Variants in VPS13C observed in about 807,000 individuals in gnomAD.
VPS13C encodes vacuolar protein sorting 13 homolog C.
VPS13C carries 358 observed loss-of-function variants against 456.8 expected under a neutral mutation model. The observed-to-expected ratio is 0.78, with a 90% CI of 0.72 to 0.86. The LOEUF is 0.86. Ranked by LOEUF, VPS13C falls within the 40% of genes least tolerant of loss-of-function variation. The pLI, the probability that VPS13C is intolerant of heterozygous loss-of-function variation, is 0.00. For missense variants in VPS13C, 4,818 were observed against 4,385.4 expected, an observed-to-expected ratio of 1.10 and a Z score of -2.79; for synonymous variants, 1,578 against 1,486.7, an observed-to-expected ratio of 1.06 and a Z score of -1.41.
At chr15:61,962,999 G>C in intron 32 of VPS13C, 147 bp from the exon 33 acceptor site, 1 of 509,332 alleles carries the variant, frequency 2.0e-6, no homozygotes, top group East Asian at 3.3e-5. Context: ...CAATATTAGA[G>C]TTTTTTGGTT....
chr15:62,000,447 T>C (rs1302024001), intron 16 of VPS13C, 117 bp downstream of exon 16: 4 of 925,534 alleles, frequency 4.3e-6, no homozygotes, highest in South Asian at 1.8e-5. Context: ...TCTTTTCTCC[T>C]GAGACTAAAT....
chr15:61,931,371 A>T (rs1313763898), intron 49 of VPS13C, 112 bp from the exon 50 acceptor site: 1 of 1,129,328 alleles, frequency 8.9e-7, no homozygotes, highest in South Asian at 1.8e-5. Context: ...CATGAATTTT[A>T]AAAGTATGAG....
chr15:62,013,386 A>G (rs2047115490), intron 10 of VPS13C, among the ~76,000 whole-genome samples: 1 of 151,978 alleles, frequency 6.6e-6, no homozygotes, highest in Non-Finnish European at 1.5e-5. Context: ...TTCAGAAATT[A>G]GTATTTAACA....
chr15:61,934,390 A>C, intron 48 of VPS13C, 59 bp from the exon 49 acceptor site: 1 of 885,636 alleles, frequency 1.1e-6, no homozygotes, highest in Non-Finnish European at 1.6e-6. Context: ...ATATTTTTAA[A>C]TATGAGATAA....
chr15:61,894,201 G>C (rs989369240), intron 66 of VPS13C, among the ~76,000 whole-genome samples: 12 of 151,980 alleles, frequency 7.9e-5, no homozygotes, highest in African/African-American at 2.9e-4. Flanking sequence ...CCAGCTACTA[G>C]GGAGGCTGAG....
In VPS13C at chr15:62,013,070, ATGC is replaced by A; in HGVS notation, c.791_793del (p.Ser264del). On this transcript the variant is annotated inframe_deletion, in exon 11 of 85. Coordinates refer to ENST00000644861, the MANE Select transcript of VPS13C (RefSeq NM_020821.3). The stretch of plus-strand genomic sequence containing the variant: ...CTGTTCCCTTGATCTCTGGTAAGAC[ATGC>A]TGCAATTTACATTCCAGTAGGCGCT... The A allele has an allele frequency of 6.2e-7, 1 of 1,611,318 alleles. No individual in the cohort carries two copies. Among genetic ancestry groups the A allele is most frequent in the South Asian group, 1.1e-5 (1 of 90,764 alleles).
In VPS13C at chr15:61,921,976, C is replaced by A; in HGVS notation, c.7033G>T (p.Gly2345Trp). 2 of 1,613,496 alleles carry A rather than the reference C, an allele frequency of 1.2e-6. No individual in the cohort carries two copies. Among genetic ancestry groups the A allele is most frequent in the Non-Finnish European group, 1.7e-6 (2 of 1,179,606 alleles). ...VWEPLIERVE[G>W]KRQWNLRLDV... ...AGCCTTAAATTCCATTGTCTCTTCC[C>A]CTCCACTCTCTCAATCAGTGGCTCC... Residue 2345 changes from glycine (G) to tryptophan (W), a missense_variant, in exon 55 of 85, where the codon GGG becomes TGG. This residue lies in a region of VPS13C where 4,552 missense variants were observed against 4,130.6 expected (regional missense o/e 1.10). Coordinates refer to ENST00000644861, the MANE Select transcript of VPS13C (RefSeq NM_020821.3).
At chr15:62,000,166 A>C (rs1304723976) in intron 16 of VPS13C, among the ~76,000 whole-genome samples, 2 of 152,164 alleles carry the variant, frequency 1.3e-5, no homozygotes, top group African/African-American at 2.4e-5. Context: ...ATTCAAGACC[A>C]GGCTGGCCAA....
chr15:62,050,010 G>A (rs1463428154), intron 1 of VPS13C, among the ~76,000 whole-genome samples: 6 of 152,224 alleles, frequency 3.9e-5, no homozygotes, highest in African/African-American at 1.2e-4. Flanking sequence ...GGGCTGAGAC[G>A]ATGGGGTTTT....
chr15:61,931,176 A>C lies in VPS13C; in HGVS notation c.5952T>G (p.Phe1984Leu). The C allele has an allele frequency of 6.2e-7, 1 of 1,614,198 alleles. No individual in the cohort carries two copies. The highest frequency in any genetic ancestry group is 8.5e-7 in the Non-Finnish European group (1 of 1,180,028). Residue 1984 changes from phenylalanine to leucine, a missense_variant, in exon 50 of 85, where the codon TTT (phenylalanine) becomes TTG (leucine). Around this residue, in one of 3 missense-constraint regions of VPS13C, gnomAD observed 4,552 missense variants for 4,130.6 expected, o/e 1.10. Coordinates refer to ENST00000644861, the MANE Select transcript of VPS13C (RefSeq NM_020821.3). ...LHLMASSGKM[F>L]KDGSMNVSVK... Reference sequence around the variant, plus strand: ...CGCTGACATTCATTGAGCCATCCTTAAACATCTTCCCTGAGGAGGCCATAA... The same window carrying C: ...CGCTGACATTCATTGAGCCATCCTTCAACATCTTCCCTGAGGAGGCCATAA...
rs774318392 is a variant in VPS13C, at chr15:61,907,361, G to A, written c.9008C>T (p.Pro3003Leu). Residue 3003 changes from proline to leucine, a missense_variant, in exon 66 of 85, where the codon CCA becomes CTA. Physicochemically the swap from Pro to Leu is moderately conservative, Grantham distance 98. Coordinates refer to ENST00000644861, the MANE Select transcript of VPS13C (RefSeq NM_020821.3). ...SGSPEEMVLL[P>L]RQARLFAWAD... is the part of the protein sequence containing the mutation. The stretch of plus-strand genomic sequence containing the variant: ...CCAGGCAAAAAGTCGAGCCTGTCTT[G>A]GCAGCAAGACCATTTCTTCTGGTGA... The A allele has an allele frequency of 1.2e-6, 2 of 1,613,952 alleles. No individual in the cohort carries two copies. Among genetic ancestry groups the A allele is most frequent in the African/African-American group, 1.3e-5 (1 of 75,040 alleles).
chr15:61,910,339 C>T (rs370467909), intron 63 of VPS13C, 34 bp from the exon 64 acceptor site: 5 of 1,403,466 alleles, frequency 3.6e-6, no homozygotes, highest in Non-Finnish European at 3.8e-6. Context: ...AGTCTTAAGA[C>T]AATACCGTTA....
rs1468483534 is a variant in VPS13C, at chr15:62,019,674, TCTTTA to T, written c.684+800_684+804del. Among the ~76,000 whole-genome samples, 20 of 152,232 alleles carry T rather than the reference TCTTTA, an allele frequency of 1.3e-4. No homozygotes were observed. In the South Asian group the frequency reaches 2.1e-3, roughly 16 times the overall value. ...AGAGACTGTTTGTTATAATTTCTGT[TCTTTA>T]CATTTGCTGAGGAGTGCTTTACTTC... On this transcript the variant is annotated intron_variant, in intron 9 of 84. Transcript: ENST00000644861.
In VPS13C at chr15:61,929,540, G is replaced by A. The variant is rs375711746; in HGVS notation, c.6247C>T (p.Pro2083Ser). 12 of 1,613,902 alleles carry A rather than the reference G, an allele frequency of 7.4e-6. No homozygotes were observed. In the East Asian group the frequency reaches 1.6e-4, roughly 21 times the overall value. The change falls in exon 51 of 85, where the codon CCA (proline) becomes TCA (serine). Residue 2083 changes from proline to serine, a missense_variant. Around this residue, in one of 3 missense-constraint regions of VPS13C, gnomAD observed 4,552 missense variants for 4,130.6 expected, o/e 1.10. Transcript: ENST00000644861. ...ACCTTCCCTGTGGCAGTCTGTCTTG[G>A]TAAAATCTGTGTTTCTTTTGCCACA... ...ENVAKETQIL[P>S]RQTATGKVKI...
At chr15:61,957,232 G>A (rs759120736) in intron 37 of VPS13C, among the ~76,000 whole-genome samples, 5 of 152,062 alleles carry the variant, frequency 3.3e-5, no homozygotes, top group African/African-American at 4.8e-5. Flanking sequence ...CCATGTACAC[G>A]AAATTCAAGA....
rs185188051 is a variant in VPS13C, at chr15:61,865,936, C to G, written c.10864-2408G>C. 2.5e-4 allele frequency: 248 copies of G among 983,004 alleles called. 1 individual carries two copies. The African/African-American group carries it at 3.6e-3, about 14-fold the overall frequency. The allele number at this position is 983,004 out of a possible 1,614,324, so 60.9% of individuals were successfully genotyped here. A position where few individuals can be genotyped will look rare whatever the true frequency, so the allele number is the denominator to read the frequency against. On this transcript the variant is annotated intron_variant, in intron 81 of 84. Transcript: ENST00000644861. ...TTAGGAGAAAAAGGAACATGAGGAT[C>G]AAAAGATCCCCAAATAAATTATTTA... is the stretch of plus-strand genomic sequence containing the variant.
chr15:61,981,189 T>A (rs541315907), intron 22 of VPS13C, among the ~76,000 whole-genome samples, 153 bp downstream of exon 22: 2 of 152,100 alleles, frequency 1.3e-5, no homozygotes, highest in African/African-American at 4.8e-5. Context: ...ATAAAACATA[T>A]ATAAAATACT....
At chr15:61,864,707 C>T in intron 81 of VPS13C, 1 of 985,422 alleles carries the variant, frequency 1.0e-6, no homozygotes, top group Non-Finnish European at 1.2e-6. Context: ...GAACTGGGAT[C>T]TCATCTTCAG....
At chr15:61,878,517 A>G in intron 74 of VPS13C, 90 bp downstream of exon 74, 1 of 1,508,410 alleles carries the variant, frequency 6.6e-7, no homozygotes, top group Non-Finnish European at 8.9e-7. Flanking sequence ...TCCTTTTCCT[A>G]AGCTAACATT....
Sources: gnomAD v4.1 joint callset for allele counts (sites outside exome capture counted in the v4.1 genomes callset) on GRCh38, gnomAD v4.1.1 for gene constraint, gnomAD v4.1.1 regional missense constraint, MANE v1.5 for transcripts, NCBI Gene and HGNC (gene_info 2026-07-23, HGNC 2026-07-21) for gene names.